Variants in POLR1A observed in about 807,000 individuals in gnomAD.
POLR1A encodes RNA polymerase I subunit A.
A neutral mutation model predicts 205.3 loss-of-function variants in POLR1A; 84 were observed. The observed-to-expected ratio is 0.41, with a 90% CI of 0.34 to 0.49. The LOEUF (loss-of-function observed/expected upper bound fraction) is 0.49. Ranked by LOEUF, POLR1A falls within the 20% of genes least tolerant of loss-of-function variation. The pLI is 0.22. For missense variants in POLR1A, 1,645 were observed against 2,204.5 expected (o/e 0.75, Z 5.08); for synonymous variants, 799 against 863.7 (o/e 0.93, Z 1.31).
chr2:86,084,769 C>T (rs940725158), intron 6 of POLR1A, among the ~76,000 whole-genome samples: 1 of 150,396 alleles, frequency 6.6e-6, no homozygotes, highest in African/African-American at 2.4e-5. Flanking sequence ...CAGGTTCATG[C>T]GATTCTCCTA....
chr2:86,092,301 G>A lies in POLR1A; in HGVS notation c.433-2372C>T, dbSNP rs1673620815. ...ACGGTCCCTGGAAGCACAGCCCATG[G>A]AACTGTTAGAAACGATATTGATTCC... On this transcript the variant is annotated intron_variant, in intron 3 of 33. Coordinates refer to ENST00000263857, the MANE Select transcript of POLR1A (RefSeq NM_015425.6). 3.3e-5 allele frequency among the ~76,000 whole-genome samples: 5 copies of A among 152,172 alleles called. No individual in the cohort carries two copies. In the South Asian group the frequency reaches 1.0e-3, roughly 31 times the overall value.
At chr2:86,080,100 G>C (rs1468596560) in intron 9 of POLR1A, among the ~76,000 whole-genome samples, 2 of 152,192 alleles carry the variant, frequency 1.3e-5, no homozygotes, top group Non-Finnish European at 2.9e-5. Context: ...GGGCCTGGCA[G>C]ACAGCGGGAC....
chr2:86,056,890 T>C (rs955217719), intron 14 of POLR1A, among the ~76,000 whole-genome samples: 6 of 152,210 alleles, frequency 3.9e-5, no homozygotes, highest in African/African-American at 1.4e-4. Flanking sequence ...TCATTGACAA[T>C]GCATCTGGTC....
Position 86,052,920 on chromosome 2 carries a change from G to C in POLR1A, c.2289C>G (p.His763Gln). The C allele has an allele frequency of 6.2e-7, 1 of 1,609,754 alleles. No individual in the cohort carries two copies. Among genetic ancestry groups the C allele is most frequent in the Non-Finnish European group, 8.5e-7 (1 of 1,177,886 alleles). ...HYGSSAYGLV[H>Q]CCYEIYGGET... ...CGCCTCCATAGATCTCATAGCAGCA[G>C]TGGACCAGGCCGTAGGCGGAGCTCC... The change falls in exon 16 of 34, where the codon CAC becomes CAG. Residue 763 changes from histidine (H) to glutamine (Q), a missense_variant. His to Gln is a conservative substitution (Grantham distance 24). Transcript: ENST00000263857.
chr2:86,049,220 C>T lies in POLR1A; in HGVS notation c.2415G>A (p.Lys805=), dbSNP rs2104395790. The T allele has an allele frequency of 2.5e-6, 4 of 1,613,966 alleles. No individual in the cohort carries two copies. In the South Asian group the frequency reaches 3.3e-5, roughly 13 times the overall value. ...FTLGVEDILV[K]PKADVKRQRI... ...GTTGCCTCTTGACATCTGCCTTTGG[C>T]TTCACCAAAATGTCTTCCACGCCTG... The change falls in exon 17 of 34, where the codon AAG becomes AAA. Residue 805 remains lysine, a synonymous_variant. Coordinates refer to ENST00000263857, the MANE Select transcript of POLR1A (RefSeq NM_015425.6).
At chr2:86,043,749 A>C (rs1672659394) in intron 22 of POLR1A, among the ~76,000 whole-genome samples, 1 of 152,148 alleles carries the variant, frequency 6.6e-6, no homozygotes, top group African/African-American at 2.4e-5. Flanking sequence ...TCTGCCACTC[A>C]CCGACTGTTT....
intron 6 of POLR1A, 63 bp from the exon 7 acceptor site, chr2:86,083,231 G>T: frequency 8.7e-7 from 1 of 1,143,986 alleles, no homozygotes; most frequent in Non-Finnish European, 1.3e-6. Context: ...TCTGCAATGG[G>T]ATTTATCAAT....
intron 27 of POLR1A, among the ~76,000 whole-genome samples, chr2:86,034,319 T>C (rs1293541350): frequency 6.6e-6 from 1 of 152,208 alleles, no homozygotes; most frequent in Non-Finnish European, 1.5e-5. Context: ...GGTGTTGCTC[T>C]GGCCAGAGAA....
intron 3 of POLR1A, among the ~76,000 whole-genome samples, chr2:86,092,456 C>T (rs1673623994): frequency 6.6e-6 from 1 of 152,246 alleles, no homozygotes; most frequent in South Asian, 2.1e-4. Context: ...AGGACACCTG[C>T]TGAAGAGAAA....
intron 12 of POLR1A, among the ~76,000 whole-genome samples, chr2:86,073,788 T>A (rs771887443): frequency 6.6e-6 from 1 of 152,226 alleles, no homozygotes; most frequent in Non-Finnish European, 1.5e-5. Flanking sequence ...CAGTACTGCC[T>A]CATCCCTCAC....
chr2:86,033,406 G>A (rs193097620), intron 28 of POLR1A, among the ~76,000 whole-genome samples: 14 of 152,400 alleles, frequency 9.2e-5, no homozygotes, highest in Admixed American at 3.9e-4. Context: ...GGCTCTTGGA[G>A]AGCAGAGCTA....
chr2:86,032,759 T>C (rs1269000104), intron 28 of POLR1A, among the ~76,000 whole-genome samples: 2 of 152,240 alleles, frequency 1.3e-5, no homozygotes, highest in East Asian at 1.9e-4. Flanking sequence ...GGAAGGGTTA[T>C]CTTGTAGAAT....
At chr2:86,061,928 T>C (rs1673004148) in intron 14 of POLR1A, among the ~76,000 whole-genome samples, 1 of 152,206 alleles carries the variant, frequency 6.6e-6, no homozygotes, top group Admixed American at 6.5e-5. Flanking sequence ...GTATTCACTT[T>C]GTGAATGTGC....
chr2:86,049,728 C>T (rs927706001), intron 16 of POLR1A, among the ~76,000 whole-genome samples: 3 of 152,166 alleles, frequency 2.0e-5, no homozygotes, highest in African/African-American at 7.2e-5. Context: ...TGTGTAGGCA[C>T]ACACACAGAC....
intron 7 of POLR1A, among the ~76,000 whole-genome samples, chr2:86,082,056 G>A (rs1418395928): frequency 6.6e-6 from 1 of 151,800 alleles, no homozygotes; most frequent in Non-Finnish European, 1.5e-5. Context: ...GGCTGGTCTC[G>A]AACTCCTGGG....
intron 24 of POLR1A, among the ~76,000 whole-genome samples, chr2:86,041,149 C>CTGTGTGTGTGTGTGTGTGTGTGTG (rs756415592): frequency 1.6e-5 from 2 of 122,266 alleles, no homozygotes; most frequent in African/African-American, 6.4e-5. Flanking sequence ...CTGAGCTACA[C>CTGTGTGTGTGTGTGTGTGTGTGTG]TGTGTGTGTG....
chr2:86,080,016 A>T (rs1448395286), intron 9 of POLR1A, among the ~76,000 whole-genome samples: 1 of 152,192 alleles, frequency 6.6e-6, no homozygotes, highest in Non-Finnish European at 1.5e-5. Context: ...ATCAGGAAAC[A>T]AGCAAAACCA....
Position 86,039,482 on chromosome 2 carries a change from C to A in POLR1A, c.3741-20G>T, listed in dbSNP as rs780730796. The A allele has an allele frequency of 4.0e-5, 64 of 1,614,010 alleles. No individual in the cohort carries two copies. Among genetic ancestry groups the A allele is most frequent in the Non-Finnish European group, 5.3e-5 (62 of 1,179,932 alleles). On this transcript the variant is annotated intron_variant, in intron 25 of 33. Transcript: ENST00000263857. ...CGCAACCTGTCACAGAATAAGGGCA[C>A]ATCCAATCATGAGTGGCAACCAGAC...
In POLR1A at chr2:86,046,373, G is replaced by A. The variant is rs556854635; in HGVS notation, c.2734-604C>T. Among the ~76,000 whole-genome samples, 11 of 152,298 alleles carry A rather than the reference G, an allele frequency of 7.2e-5. No homozygotes were observed. In the East Asian group the frequency reaches 1.2e-3, roughly 16 times the overall value. ...AAAGCTGCCTGTTAATACTCTTGGC[G>A]TGTTGGAGGAGAGCAGTATATCTAG... On this transcript the variant is annotated intron_variant, in intron 19 of 33. Transcript: ENST00000263857.
Sources: allele counts gnomAD v4.1 joint callset (sites outside exome capture counted in the v4.1 genomes callset), GRCh38; gene constraint gnomAD v4.1.1; transcripts MANE v1.5; gene names NCBI Gene and HGNC (gene_info 2026-07-23, HGNC 2026-07-21).